The following PCID2 variants were observed in gnomAD, a reference collection of about 807,000 sequenced individuals.
The protein encoded by PCID2 is PCI domain containing 2.
In PCID2, 41 loss-of-function variants were observed where a neutral mutation model predicts 61.3. The observed-to-expected ratio is 0.67, with a 90% CI of 0.52 to 0.87. The LOEUF is 0.87. Ranked by LOEUF, PCID2 falls within the 40% of genes least tolerant of loss-of-function variation. The pLI is 0.00. For missense variants in PCID2, 392 were observed against 493.4 expected, an observed-to-expected ratio of 0.79 and a Z score of 1.95; for synonymous variants, 187 against 177.8, an observed-to-expected ratio of 1.05 and a Z score of -0.41.
chr13:113,198,798 G>A (rs1344947612), intron 2 of PCID2, among the ~76,000 whole-genome samples: 2 of 152,154 alleles, frequency 1.3e-5, no homozygotes, highest in Non-Finnish European at 1.5e-5. Context: ...ATTTGGTCTC[G>A]CCTTCTGCAA....
At chr13:113,186,363 G>A (rs1271236959) in intron 7 of PCID2, 5 of 152,286 alleles carry the variant, frequency 3.3e-5, no homozygotes, top group African/African-American at 1.2e-4. Flanking sequence ...AGAAACTGAA[G>A]AACCTAGGGG....
At chr13:113,183,830 C>T in intron 9 of PCID2, 1 of 985,338 alleles carries the variant, frequency 1.0e-6, no homozygotes, top group Non-Finnish European at 1.2e-6. Flanking sequence ...CAGCGACACG[C>T]CGTGCGAGGC....
intron 1 of PCID2, 51 bp from the exon 2 acceptor site, chr13:113,200,567 A>G (rs2039344984): frequency 8.3e-7 from 1 of 1,208,240 alleles, no homozygotes; most frequent in Admixed American, 1.7e-5. Context: ...ATTCTGTTCG[A>G]ATAGAACCTA....
At chr13:113,199,346 T>C (rs938157331) in intron 2 of PCID2, among the ~76,000 whole-genome samples, 4 of 152,098 alleles carry the variant, frequency 2.6e-5, no homozygotes, top group Admixed American at 2.6e-4. Context: ...TAAATCTCTA[T>C]AAATATTGAT....
intron 1 of PCID2, among the ~76,000 whole-genome samples, chr13:113,207,162 C>T (rs1478330056): frequency 6.6e-6 from 1 of 152,212 alleles, no homozygotes; most frequent in East Asian, 1.9e-4. Context: ...TGTATGTGTT[C>T]TCATATCCAG....
At chr13:113,197,330 C>T (rs1485587475) in intron 3 of PCID2, 87 bp from the exon 4 acceptor site, 1 of 895,020 alleles carries the variant, frequency 1.1e-6, no homozygotes, top group Non-Finnish European at 1.9e-6. Flanking sequence ...TTGCACAGGT[C>T]CCAGTGGTCC....
intron 6 of PCID2, among the ~76,000 whole-genome samples, chr13:113,193,157 A>G (rs2038748269): frequency 6.6e-6 from 1 of 152,188 alleles, no homozygotes; most frequent in African/African-American, 2.4e-5. Context: ...GGACTAAGAC[A>G]TGACTAACAC....
Position 113,208,585 on chromosome 13 carries a change from C to A in PCID2, c.36+14G>T, listed in dbSNP as rs759761696. ...GCCAACCACGCCGCCGCGCGCTCCC[C>A]GGCTAGGACCCACCTGCTGCAGGTA... On this transcript the variant is annotated intron_variant, in intron 1 of 13. Coordinates refer to ENST00000337344, the MANE Select transcript of PCID2 (RefSeq NM_001127202.4). 6.2e-7 allele frequency: 1 copy of A among 1,603,606 alleles called. No homozygotes were observed. Among genetic ancestry groups the A allele is most frequent in the Non-Finnish European group, 8.5e-7 (1 of 1,175,760 alleles).
the PCID2 span, chr13:113,172,115 A>G: frequency 6.2e-7 from 1 of 1,611,126 alleles, no homozygotes; most frequent in Non-Finnish European, 8.5e-7. Context: ...ACTGAAACTC[A>G]GCTAGCCAGA....
chr13:113,202,138 T>C (rs1480460830), intron 1 of PCID2, among the ~76,000 whole-genome samples: 1 of 152,260 alleles, frequency 6.6e-6, no homozygotes, highest in South Asian at 2.1e-4. Flanking sequence ...AAATTGGTAT[T>C]CTACTAAAGC....
the PCID2 span, chr13:113,166,542 C>T: frequency 6.6e-6 from 1 of 152,188 alleles, no homozygotes; most frequent in Non-Finnish European, 1.5e-5. Flanking sequence ...TGGCAGAGAA[C>T]AGGATGGAGC....
rs1179341819 is a variant in PCID2 at position 113,186,747 on chromosome 13, C to T, written c.468-1187G>A. 7 of 152,160 alleles carry T rather than the reference C, an allele frequency of 4.6e-5. 1 individual carries two copies. The highest frequency in any genetic ancestry group is 1.7e-4 in the African/African-American group (7 of 41,366). The allele number at this position is 152,160 out of a possible 1,614,324, so 9.4% of individuals were successfully genotyped here. A position where few individuals can be genotyped will look rare whatever the true frequency, so the allele number is the denominator to read the frequency against. On this transcript the variant is annotated intron_variant, in intron 7 of 13. Transcript: ENST00000337344. ...TAGTGCAGCTCTTGCTCCTCGCAGCCTAGGACCCACAGGCTGCGCCACACA... is the reference window on the plus strand; with the variant it reads ...TAGTGCAGCTCTTGCTCCTCGCAGCTTAGGACCCACAGGCTGCGCCACACA...
chr13:113,175,189 A>T (rs1195313445), downstream of PCID2, among the ~76,000 whole-genome samples: 1 of 152,200 alleles, frequency 6.6e-6, no homozygotes, highest in African/African-American at 2.4e-5. Context: ...AGTCTCGGGC[A>T]GTTCTTTATA....
At chr13:113,204,632 G>A (rs1182098053) in intron 1 of PCID2, among the ~76,000 whole-genome samples, 1 of 152,202 alleles carries the variant, frequency 6.6e-6, no homozygotes, top group Non-Finnish European at 1.5e-5. Context: ...GTGCCACAGG[G>A]CCTTGAGCCC....
At chr13:113,184,290 T>C in intron 9 of PCID2, 56 bp downstream of exon 9, 3 of 1,418,376 alleles carry the variant, frequency 2.1e-6, no homozygotes, top group South Asian at 1.2e-5. Context: ...TATTCAAAGT[T>C]GTTCAGAATG....
intron 8 of PCID2, 130 bp from the exon 9 acceptor site, chr13:113,184,617 T>C (rs906735439): frequency 5.9e-5 from 37 of 628,630 alleles, no homozygotes; most frequent in Middle Eastern, 8.5e-4. Flanking sequence ...ATTTATATAA[T>C]AAAACCAAAA....
At chr13:113,199,996 C>T (rs1010102302) in intron 2 of PCID2, among the ~76,000 whole-genome samples, 2 of 152,232 alleles carry the variant, frequency 1.3e-5, no homozygotes, top group African/African-American at 4.8e-5. Flanking sequence ...ACTGCCTCAA[C>T]ATCATCTACG....
intron 1 of PCID2, among the ~76,000 whole-genome samples, chr13:113,201,886 A>G (rs561269104): frequency 6.6e-6 from 1 of 152,126 alleles, no homozygotes; most frequent in African/African-American, 2.4e-5. Flanking sequence ...CTTTAGATAC[A>G]GTATAATTTA....
At chr13:113,203,709 T>C (rs1294553498) in intron 1 of PCID2, among the ~76,000 whole-genome samples, 1 of 152,024 alleles carries the variant, frequency 6.6e-6, no homozygotes, top group African/African-American at 2.4e-5. Flanking sequence ...TCTGGCTCCC[T>C]CGAGACCATC....
Sources: allele counts gnomAD v4.1 joint callset (sites outside exome capture counted in the v4.1 genomes callset), GRCh38; gene constraint gnomAD v4.1.1; transcripts MANE v1.5; gene names NCBI Gene and HGNC (gene_info 2026-07-23, HGNC 2026-07-21).